Variants in SNTG1 observed in about 807,000 individuals in gnomAD.
SNTG1 encodes gamma-1-syntrophin.
In SNTG1, 39 loss-of-function variants were observed where a neutral mutation model predicts 74.7. The observed-to-expected ratio is 0.52, with a 90% confidence interval of 0.40 to 0.68. The LOEUF (loss-of-function observed/expected upper bound fraction) is 0.68, where lower values mean the gene tolerates loss of function less well. SNTG1 is among the 30% of genes least tolerant of loss of function. The pLI, the probability that SNTG1 is intolerant of heterozygous loss-of-function variation, is 0.00. For synonymous variants in SNTG1, 254 were observed against 217.1 expected (o/e 1.17, Z -1.49); for missense variants, 685 against 609.5 (o/e 1.12, Z -1.30).
chr8:49,994,701 T>G (rs1814038232), intron 1 of SNTG1, among the ~76,000 whole-genome samples: 1 of 150,130 alleles, frequency 6.7e-6, no homozygotes, highest in African/African-American at 2.5e-5. Flanking sequence ...CTATAGCTAC[T>G]CATTTTTTTT....
At position 50,550,693 on chromosome 8, in the gene SNTG1, G is replaced by GTGTGTGTGTATATATATA. The variant is rs1554571332; in HGVS notation, c.681-2356_681-2355insGTGTGTGTATATATATAT. Among the ~76,000 whole-genome samples the GTGTGTGTGTATATATATA allele has an allele frequency of 6.5e-3, 963 of 149,064 alleles. 17 individuals are homozygous for GTGTGTGTGTATATATATA. The highest frequency in any genetic ancestry group is 0.023 in the African/African-American group (919 of 40,192). On this transcript the variant is annotated intron_variant, in intron 11 of 18. Transcript: ENST00000642720. The stretch of plus-strand genomic sequence containing the variant: ...TGATGTAATTTTTTTTAGTGTGTGT[G>GTGTGTGTGTATATATATA]TATATATATATATATGACACATAAT...
At chr8:50,158,580 A>G (rs1178604744) in intron 1 of SNTG1, among the ~76,000 whole-genome samples, 1 of 152,196 alleles carries the variant, frequency 6.6e-6, no homozygotes, top group Non-Finnish European at 1.5e-5. Context: ...ATTTTCAACT[A>G]TGCAATTATT....
intron 2 of SNTG1, among the ~76,000 whole-genome samples, chr8:50,342,531 A>G (rs113478277): frequency 9.2e-5 from 14 of 152,164 alleles, no homozygotes; most frequent in Admixed American, 9.2e-4. Context: ...AGCAAGAAAT[A>G]TATTTAGAAA....
chr8:50,464,407 T>G (rs1028968554), intron 8 of SNTG1, among the ~76,000 whole-genome samples: 7 of 152,114 alleles, frequency 4.6e-5, no homozygotes, highest in African/African-American at 1.7e-4. Context: ...TCCTTTCACT[T>G]GAACACTTAC....
rs1376533879 is a variant in SNTG1, at chr8:50,409,966, C to T, written c.162+7622C>T. On this transcript the variant is annotated intron_variant, in intron 4 of 18. Coordinates refer to ENST00000642720, the MANE Select transcript of SNTG1 (RefSeq NM_018967.5). ...AATCAGTACCTCAGTGTAATGGGCA[C>T]CATTAGACTTTAAAATCAACAGAAC... Among the ~76,000 whole-genome samples the T allele has an allele frequency of 2.6e-5, 4 of 152,246 alleles. No homozygotes were observed. The East Asian group carries it at 7.7e-4, about 29-fold the overall frequency.
intron 18 of SNTG1, among the ~76,000 whole-genome samples, chr8:50,772,193 C>G (rs568729167): frequency 1.2e-4 from 18 of 152,060 alleles, no homozygotes; most frequent in Non-Finnish European, 2.6e-4. Flanking sequence ...ACTACAGGAA[C>G]CAAACTTCAA....
intron 1 of SNTG1, among the ~76,000 whole-genome samples, chr8:50,049,494 A>G (rs1819385407): frequency 1.3e-5 from 2 of 152,136 alleles, no homozygotes; most frequent in African/African-American, 4.8e-5. Flanking sequence ...TTTATTTGTG[A>G]GAGGAAAAGC....
intron 1 of SNTG1, among the ~76,000 whole-genome samples, chr8:50,156,655 A>G (rs567124148): frequency 5.9e-4 from 90 of 152,218 alleles, no homozygotes; most frequent in South Asian, 1.7e-3. Flanking sequence ...ATCAAGAATA[A>G]TAAAAATCAT....
intron 1 of SNTG1, among the ~76,000 whole-genome samples, chr8:50,111,476 G>A (rs1046341620): frequency 3.3e-5 from 5 of 152,068 alleles, no homozygotes; most frequent in African/African-American, 1.2e-4. Context: ...AAAACCATGT[G>A]AGGTCACAGT....
chr8:50,008,368 G>A (rs1173543763), intron 1 of SNTG1, among the ~76,000 whole-genome samples: 1 of 152,144 alleles, frequency 6.6e-6, no homozygotes, highest in African/African-American at 2.4e-5. Context: ...ACATTTCTTA[G>A]TGCAGTGTCT....
At chr8:49,916,886 TGTG>T (rs1001132462) in intron 1 of SNTG1, among the ~76,000 whole-genome samples, 8 of 150,860 alleles carry the variant, frequency 5.3e-5, no homozygotes, top group Admixed American at 3.3e-4. Flanking sequence ...AATATCTGGG[TGTG>T]GTGAATGTGC....
chr8:50,003,319 T>C (rs879913898), intron 1 of SNTG1, among the ~76,000 whole-genome samples: 2 of 152,198 alleles, frequency 1.3e-5, no homozygotes, highest in Non-Finnish European at 2.9e-5. Flanking sequence ...GCAAGGAAGA[T>C]ATTTATTCTT....
chr8:50,646,414 TG>T, intron 13 of SNTG1, among the ~76,000 whole-genome samples: 1 of 152,328 alleles, frequency 6.6e-6, no homozygotes, highest in East Asian at 1.9e-4. Context: ...CTGATGTTGC[TG>T]GACTGGAAAC....
intron 2 of SNTG1, among the ~76,000 whole-genome samples, chr8:50,280,242 G>A (rs1188142879): frequency 6.6e-6 from 1 of 152,164 alleles, no homozygotes; most frequent in East Asian, 1.9e-4. Context: ...TGTTGAAGAG[G>A]CATTTCTATG....
intron 1 of SNTG1, among the ~76,000 whole-genome samples, chr8:49,962,782 G>A (rs1810810481): frequency 6.6e-6 from 1 of 152,148 alleles, no homozygotes; most frequent in Non-Finnish European, 1.5e-5. Flanking sequence ...TAGTAGAAAT[G>A]GAATTTCACC....
chr8:50,749,521 C>G (rs1246757718), intron 17 of SNTG1, among the ~76,000 whole-genome samples: 1 of 152,042 alleles, frequency 6.6e-6, no homozygotes, highest in Non-Finnish European at 1.5e-5. Flanking sequence ...AAGATGCCAT[C>G]TGAAACTTTC....
At chr8:50,574,693 G>GT (rs1244241926) in intron 12 of SNTG1, among the ~76,000 whole-genome samples, 2 of 151,876 alleles carry the variant, frequency 1.3e-5, no homozygotes, top group African/African-American at 4.8e-5. Context: ...TAGATGTTTG[G>GT]TTTTTTTGTG....
chr8:50,612,810 G>A (rs938608893), intron 13 of SNTG1, among the ~76,000 whole-genome samples: 1 of 151,914 alleles, frequency 6.6e-6, no homozygotes, highest in Non-Finnish European at 1.5e-5. Flanking sequence ...TAGCCATTTA[G>A]AGTCTGGACT....
chr8:49,922,309 C>T (rs1806622290), intron 1 of SNTG1, among the ~76,000 whole-genome samples: 1 of 152,090 alleles, frequency 6.6e-6, no homozygotes, highest in Non-Finnish European at 1.5e-5. Flanking sequence ...AGTGAATTAT[C>T]TACTTTCTGG....
Sources: gnomAD v4.1 joint callset for allele counts (sites outside exome capture counted in the v4.1 genomes callset) on GRCh38, gnomAD v4.1.1 for gene constraint, MANE v1.5 for transcripts, NCBI Gene and HGNC (gene_info 2026-07-23, HGNC 2026-07-21) for gene names.